EXOC2: variants seen among roughly 807,000 people sequenced by gnomAD.
EXOC2 encodes SEC5-like 1.
Under a neutral mutation model 131.8 loss-of-function variants are expected in EXOC2, and 70 were observed. The ratio of observed to expected loss-of-function variants is 0.53; its 90% CI spans 0.44 to 0.65. EXOC2 has a LOEUF of 0.65. Ranked by LOEUF, EXOC2 falls within the 30% of genes least tolerant of loss-of-function variation. The pLI is 0.00. For synonymous variants in EXOC2, 411 were observed against 398.4 expected (o/e 1.03, Z -0.38); for missense variants, 923 against 1,108.6 (o/e 0.83, Z 2.38).
At position 488,972 on chromosome 6, in the gene EXOC2, G is replaced by GACTT; in HGVS notation, c.2681+3_2681+6dup. 2.6e-5 allele frequency: 42 copies of GACTT among 1,613,816 alleles called. No homozygotes were observed. The highest frequency in any genetic ancestry group is 1.1e-4 in the African/African-American group (8 of 75,014). ...ACTGGCTCCTAAGAACAGCACACAG[G>GACTT]ACTTACTTTTTATCTGCTCCACTGG... On this transcript the variant is annotated splice_region_variant and intron_variant, in intron 27 of 27. Transcript: ENST00000230449.
intron 6 of EXOC2, among the ~76,000 whole-genome samples, chr6:616,331 C>T (rs1417655402): frequency 3.3e-5 from 5 of 152,150 alleles, no homozygotes; most frequent in South Asian, 2.1e-4. Context: ...CTGCCGGGCG[C>T]GGTGGCTCAC....
intron 22 of EXOC2, among the ~76,000 whole-genome samples, chr6:533,230 A>G (rs781695829): frequency 2.6e-5 from 4 of 152,352 alleles, no homozygotes; most frequent in Middle Eastern, 6.8e-3. Context: ...TCATTTTTGA[A>G]AATACTAACC....
rs903499957 is a variant in EXOC2 at position 537,941 on chromosome 6, A to C, written c.2239-5331T>G. Among the ~76,000 whole-genome samples, 4 of 152,342 alleles carry C rather than the reference A, an allele frequency of 2.6e-5. No individual in the cohort carries two copies. In the East Asian group the frequency reaches 7.7e-4, roughly 29 times the overall value. ...AAGGGAGCCTACTCAAACAGGGCAC[A>C]AGGGAAGGTTTTGTATTTTCATCTG... On this transcript the variant is annotated intron_variant, in intron 22 of 27. Coordinates refer to ENST00000230449, the MANE Select transcript of EXOC2 (RefSeq NM_018303.6).
intron 13 of EXOC2, 95 bp from the exon 14 acceptor site, chr6:565,024 GT>G: frequency 1.1e-6 from 1 of 893,982 alleles, no homozygotes; most frequent in African/African-American, 1.7e-5. Context: ...ATTAAATATG[GT>G]TATAACTTGA....
chr6:630,610 T>C (rs186764651), intron 3 of EXOC2, among the ~76,000 whole-genome samples: 73 of 152,352 alleles, frequency 4.8e-4, no homozygotes, highest in African/African-American at 1.7e-3. Context: ...TTTTAAATGG[T>C]TCTTGAAAGC....
At chr6:547,097 G>T (rs891186213) in intron 22 of EXOC2, among the ~76,000 whole-genome samples, 1 of 152,218 alleles carries the variant, frequency 6.6e-6, no homozygotes. Context: ...TGGAGCTGAT[G>T]ATACCATTCC....
At chr6:540,855 A>C (rs1208282410) in intron 22 of EXOC2, among the ~76,000 whole-genome samples, 1 of 152,254 alleles carries the variant, frequency 6.6e-6, no homozygotes, top group Non-Finnish European at 1.5e-5. Flanking sequence ...ACACATAATA[A>C]AAATACAGAA....
chr6:657,485 A>T (rs1763187164), intron 1 of EXOC2, among the ~76,000 whole-genome samples: 1 of 152,182 alleles, frequency 6.6e-6, no homozygotes, highest in African/African-American at 2.4e-5. Context: ...ATGGCTGCTC[A>T]CTTTTCCAGT....
At chr6:488,115 G>A (rs568722864) in intron 27 of EXOC2, among the ~76,000 whole-genome samples, 43 of 152,332 alleles carry the variant, frequency 2.8e-4, no homozygotes, top group Admixed American at 9.1e-4. Context: ...GGATGCGTGC[G>A]GGGCGGGGCG....
chr6:528,627 T>C (rs926541568), intron 23 of EXOC2, among the ~76,000 whole-genome samples: 8 of 152,090 alleles, frequency 5.3e-5, no homozygotes, highest in African/African-American at 1.9e-4. Flanking sequence ...GCCATTTGCT[T>C]ATGAAAGAAA....
chr6:690,141 A>G (rs6931178), intron 1 of EXOC2, among the ~76,000 whole-genome samples: 114,987 of 152,076 alleles, frequency 0.76, 44,128 homozygotes, highest in East Asian at 1. Flanking sequence ...CATCACTTGC[A>G]TTCAGGAGTT....
At chr6:523,630 C>T (rs1187753046) in intron 23 of EXOC2, among the ~76,000 whole-genome samples, 1 of 152,178 alleles carries the variant, frequency 6.6e-6, no homozygotes, top group Admixed American at 6.5e-5. Context: ...TTAAACAGGG[C>T]AATGAATGTA....
In EXOC2 at chr6:497,382, T is replaced by C. The variant is rs1399872440; in HGVS notation, c.2544A>G (p.Lys848=). The C allele has an allele frequency of 3.7e-6, 6 of 1,613,710 alleles. No individual in the cohort carries two copies. In the African/African-American group the frequency reaches 4.0e-5, roughly 11 times the overall value. The part of the protein sequence containing the change: ...RLMQCVSSFS[K]NGALQARLEI... The stretch of plus-strand genomic sequence containing the variant: ...ATTTTGTTACCTGTAAAGCTCCATT[T>C]TTGCTGAAGGATGAAACACACTGCA... The change falls in exon 25 of 28, where the codon AAA becomes AAG. Residue 848 remains lysine, a synonymous_variant. Transcript: ENST00000230449.
rs545962400 is a variant in EXOC2, at chr6:544,736, C to T, written c.2238+4439G>A. Among the ~76,000 whole-genome samples, 91 of 152,236 alleles carry T rather than the reference C, an allele frequency of 6.0e-4. 1 individual carries two copies. Among genetic ancestry groups the T allele is most frequent in the African/African-American group, 2.0e-3 (85 of 41,512 alleles). ...AATACAGTACATGCAGTTAAAGCAA[C>T]GCAAAACTCTAGAATCAGCTGCTCA... On this transcript the variant is annotated intron_variant, in intron 22 of 27. Coordinates refer to ENST00000230449, the MANE Select transcript of EXOC2 (RefSeq NM_018303.6).
At chr6:574,950 TCAAGGGTCCAATGA>T (rs1395525821) in intron 12 of EXOC2, among the ~76,000 whole-genome samples, 1 of 152,252 alleles carries the variant, frequency 6.6e-6, no homozygotes, top group African/African-American at 2.4e-5. Context: ...GCCAGCTGCG[TCAAGGGTCCAATGA>T]CAAGGTGAAA....
chr6:570,006 T>C lies in EXOC2; in HGVS notation c.1443+2514A>G, dbSNP rs1758178912. Among the ~76,000 whole-genome samples, 9 of 152,256 alleles carry C rather than the reference T, an allele frequency of 5.9e-5. 1 individual carries two copies. The South Asian group carries it at 1.9e-3, about 32-fold the overall frequency. On this transcript the variant is annotated intron_variant, in intron 13 of 27. Coordinates refer to ENST00000230449, the MANE Select transcript of EXOC2 (RefSeq NM_018303.6). ...TAGGAATCTTATGACTCAAAAAGAC[T>C]CCAGGGAAGGCAACTACTGTCCATG...
At chr6:496,449 C>T (rs1167333577) in intron 25 of EXOC2, among the ~76,000 whole-genome samples, 3 of 152,180 alleles carry the variant, frequency 2.0e-5, no homozygotes, top group African/African-American at 2.4e-5. Flanking sequence ...TTCTAGCCTT[C>T]GCTGGGCTGG....
chr6:603,446 T>C (rs141910415), intron 7 of EXOC2, among the ~76,000 whole-genome samples: 125 of 152,230 alleles, frequency 8.2e-4, no homozygotes, highest in Non-Finnish European at 1.4e-3. Context: ...GTGGAGTAGA[T>C]GGAACTGAGG....
intron 23 of EXOC2, among the ~76,000 whole-genome samples, chr6:522,936 C>A (rs796739561): frequency 6.6e-6 from 1 of 152,178 alleles, no homozygotes; most frequent in Non-Finnish European, 1.5e-5. Flanking sequence ...ATGACCAGTA[C>A]TAAAGCTGTT....
Sources: allele counts gnomAD v4.1 joint callset (sites outside exome capture counted in the v4.1 genomes callset), GRCh38; gene constraint gnomAD v4.1.1; transcripts MANE v1.5; gene names NCBI Gene and HGNC (gene_info 2026-07-23, HGNC 2026-07-21).